SH3GL3: variants seen among roughly 807,000 people sequenced by gnomAD.
SH3GL3 encodes endophilin-A3.
A neutral mutation model predicts 47.7 loss-of-function variants in SH3GL3; 33 were observed. The ratio of observed to expected loss-of-function variants is 0.69; its 90% CI spans 0.52 to 0.92. SH3GL3 has a LOEUF of 0.92. SH3GL3 is among the 40% of genes least tolerant of loss of function. SH3GL3 has a pLI of 0.00. For missense variants in SH3GL3, 363 were observed against 417.8 expected (o/e 0.87, Z 1.14); for synonymous variants, 155 against 148.8 (o/e 1.04, Z -0.30).
chr15:83,564,510 T>C (rs2045441828), intron 2 of SH3GL3, among the ~76,000 whole-genome samples: 2 of 152,242 alleles, frequency 1.3e-5, no homozygotes, highest in Non-Finnish European at 2.9e-5. Context: ...ATATTAACTC[T>C]CTGGTTAACT....
chr15:83,586,507 C>T (rs570510261), intron 6 of SH3GL3, among the ~76,000 whole-genome samples: 2 of 152,090 alleles, frequency 1.3e-5, no homozygotes, highest in African/African-American at 2.4e-5. Flanking sequence ...CTCCCTGGCC[C>T]CCTTTCTTAT....
chr15:83,447,527 A>T lies in SH3GL3; in HGVS notation c.-7A>T. ...AGACCACCCCGCCCCTGCCGGTCGC[A>T]GTCGCGATGTCGGTGGCCGGGCTGA... On this transcript the variant is annotated 5_prime_UTR_variant, in exon 1 of 9. Coordinates refer to ENST00000427482, the MANE Select transcript of SH3GL3 (RefSeq NM_003027.5). The surrounding 1 kb of genome is among the most constrained non-coding windows in gnomAD (Gnocchi z 5.1). 1 of 1,502,796 alleles carries T rather than the reference A, an allele frequency of 6.7e-7. No individual in the cohort carries two copies. Among genetic ancestry groups the T allele is most frequent in the East Asian group, 2.9e-5 (1 of 34,148 alleles). 93.1% of individuals were successfully genotyped at this position (1,502,796 alleles called of 1,614,324 possible). A position where few individuals can be genotyped will look rare whatever the true frequency, so the allele number is the denominator to read the frequency against.
downstream of SH3GL3, among the ~76,000 whole-genome samples, chr15:83,623,236 G>T (rs2060919775): frequency 6.6e-6 from 1 of 152,182 alleles, no homozygotes; most frequent in African/African-American, 2.4e-5. Flanking sequence ...GCCACATAAT[G>T]CTGTGTAAAA....
chr15:83,594,897 C>G (rs2060199833), intron 8 of SH3GL3, among the ~76,000 whole-genome samples: 2 of 152,192 alleles, frequency 1.3e-5, no homozygotes, highest in Admixed American at 1.3e-4. Flanking sequence ...TTATACACTG[C>G]TGGTGGCAAT....
intron 1 of SH3GL3, among the ~76,000 whole-genome samples, chr15:83,453,416 G>A (rs1182328418): frequency 6.3e-5 from 6 of 94,816 alleles, no homozygotes; most frequent in Admixed American, 2.5e-4. Flanking sequence ...GGTAGAATTC[G>A]GCTGTGAATC....
intron 1 of SH3GL3, among the ~76,000 whole-genome samples, chr15:83,527,501 A>G (rs2043477857): frequency 6.6e-6 from 1 of 152,120 alleles, no homozygotes; most frequent in Non-Finnish European, 1.5e-5. Context: ...TTTGACTTAA[A>G]GTCTGTTTTA....
At chr15:83,497,964 C>A (rs1281569306) in intron 1 of SH3GL3, among the ~76,000 whole-genome samples, 3 of 152,196 alleles carry the variant, frequency 2.0e-5, no homozygotes, top group Non-Finnish European at 4.4e-5. Flanking sequence ...GCCTCTCTTT[C>A]TCTGTCCAAC....
chr15:83,537,209 G>A (rs62027549), intron 1 of SH3GL3, among the ~76,000 whole-genome samples: 21,420 of 152,126 alleles, frequency 0.14, 1,708 homozygotes, highest in Non-Finnish European at 0.19. Context: ...TGCCCCTTCT[G>A]TCTGTTGGAA....
intron 8 of SH3GL3, among the ~76,000 whole-genome samples, chr15:83,597,676 C>A (rs980432472): frequency 1.3e-5 from 2 of 151,592 alleles, no homozygotes; most frequent in African/African-American, 4.9e-5. Flanking sequence ...ATGGTACGAT[C>A]TCGGCTCACT....
At chr15:83,577,578 A>T (rs1247734440) in intron 6 of SH3GL3, among the ~76,000 whole-genome samples, 1 of 151,892 alleles carries the variant, frequency 6.6e-6, no homozygotes, top group Non-Finnish European at 1.5e-5. Flanking sequence ...TTTTGTCAAG[A>T]TGGGAGTTTC....
chr15:83,490,322 C>G (rs919374902), intron 1 of SH3GL3, among the ~76,000 whole-genome samples: 3 of 150,242 alleles, frequency 2.0e-5, no homozygotes, highest in African/African-American at 7.4e-5. Context: ...CTCTTACACA[C>G]TGCATTGTCC....
At chr15:83,487,061 G>A (rs1330987469) in intron 1 of SH3GL3, among the ~76,000 whole-genome samples, 1 of 152,178 alleles carries the variant, frequency 6.6e-6, no homozygotes, top group African/African-American at 2.4e-5. Context: ...GAATTTGGGA[G>A]GACATAAACA....
intron 1 of SH3GL3, among the ~76,000 whole-genome samples, chr15:83,521,360 C>T (rs1439653424): frequency 1.3e-5 from 2 of 152,112 alleles, no homozygotes; most frequent in African/African-American, 2.4e-5. Flanking sequence ...TAAAAATGGA[C>T]ACTACCTTTA....
At position 83,479,515 on chromosome 15, in the gene SH3GL3, A is replaced by G. The variant is rs1414941465; in HGVS notation, c.45+31937A>G. 3.9e-5 allele frequency among the ~76,000 whole-genome samples: 6 copies of G among 152,302 alleles called. 1 individual carries two copies. The highest frequency in any genetic ancestry group is 2.6e-4 in the Admixed American group (4 of 15,294). On this transcript the variant is annotated intron_variant, in intron 1 of 8. Coordinates refer to ENST00000427482, the MANE Select transcript of SH3GL3 (RefSeq NM_003027.5). ...TTCCTAGGGAACTCTCACAGACAGCATAGAAGCCACCTGAGAGTTATCCCA... is the reference window on the plus strand; with the variant it reads ...TTCCTAGGGAACTCTCACAGACAGCGTAGAAGCCACCTGAGAGTTATCCCA...
At chr15:83,624,115 G>C in the SH3GL3 span, among the ~76,000 whole-genome samples, 1 of 152,170 alleles carries the variant, frequency 6.6e-6, no homozygotes, top group Non-Finnish European at 1.5e-5. Context: ...TATGTTGCCG[G>C]ATGTGTTTGA....
At chr15:83,554,955 T>C (rs2044868530) in intron 1 of SH3GL3, among the ~76,000 whole-genome samples, 1 of 152,248 alleles carries the variant, frequency 6.6e-6, no homozygotes, top group African/African-American at 2.4e-5. Flanking sequence ...CTTGTAAATA[T>C]TGATTCTCCT....
chr15:83,624,641 A>G, the SH3GL3 span, among the ~76,000 whole-genome samples: 1 of 152,186 alleles, frequency 6.6e-6, no homozygotes, highest in Non-Finnish European at 1.5e-5. Flanking sequence ...CTTTGACATA[A>G]AGATTCCTCT....
the SH3GL3 span, among the ~76,000 whole-genome samples, chr15:83,626,165 C>CT: frequency 6.6e-6 from 1 of 152,164 alleles, no homozygotes; most frequent in African/African-American, 2.4e-5. Context: ...GTGACTTTCA[C>CT]TTTTTTTCTT....
At chr15:83,569,219 G>C (rs965748130) in intron 4 of SH3GL3, among the ~76,000 whole-genome samples, 1 of 152,114 alleles carries the variant, frequency 6.6e-6, no homozygotes, top group African/African-American at 2.4e-5. Context: ...TTTATGCCTT[G>C]TTTATTCTTA....
Sources: allele counts gnomAD v4.1 joint callset (sites outside exome capture counted in the v4.1 genomes callset), GRCh38; gene constraint gnomAD v4.1.1; non-coding constraint Gnocchi (gnomAD v3.1); transcripts MANE v1.5; gene names NCBI Gene and HGNC (gene_info 2026-07-23, HGNC 2026-07-21).